CLIP4: variants seen among roughly 807,000 people sequenced by gnomAD.
CLIP4 encodes the protein CAP-Gly domain containing linker protein family member 4.
CLIP4 carries 47 observed loss-of-function variants against 73.1 expected under a neutral mutation model. That is an observed-to-expected ratio of 0.64 (90% CI 0.51 to 0.82). The LOEUF (loss-of-function observed/expected upper bound fraction) is 0.82, where lower values mean the gene tolerates loss of function less well. CLIP4 is among the 40% of genes least tolerant of loss of function. The pLI is 0.00. For synonymous variants in CLIP4, 306 were observed against 295.4 expected, an observed-to-expected ratio of 1.04 and a Z score of -0.37; for missense variants, 874 against 852.9, an observed-to-expected ratio of 1.02 and a Z score of -0.31.
intron 8 of CLIP4, among the ~76,000 whole-genome samples, chr2:29,150,430 C>T (rs948545156): frequency 1.3e-5 from 2 of 152,128 alleles, no homozygotes; most frequent in African/African-American, 2.4e-5. Context: ...GAAAACCACA[C>T]GTTTTCCCTG....
At chr2:29,141,388 C>A (rs995073653) in intron 6 of CLIP4, among the ~76,000 whole-genome samples, 1 of 152,176 alleles carries the variant, frequency 6.6e-6, no homozygotes, top group Non-Finnish European at 1.5e-5. Flanking sequence ...TGTTAGTTTT[C>A]TGCCTTGATC....
At chr2:29,117,913 A>T (rs76700635) in intron 1 of CLIP4, among the ~76,000 whole-genome samples, 348 of 152,372 alleles carry the variant, frequency 2.3e-3, no homozygotes, top group African/African-American at 7.6e-3. Context: ...TGTTAAATGC[A>T]TAAATAGCTT....
intron 1 of CLIP4, among the ~76,000 whole-genome samples, chr2:29,106,019 C>T (rs1380905907): frequency 6.6e-6 from 1 of 151,916 alleles, no homozygotes; most frequent in East Asian, 1.9e-4. Context: ...CCTCTTAAGA[C>T]TTTTCTCTTG....
intron 6 of CLIP4, among the ~76,000 whole-genome samples, chr2:29,137,182 T>TC (rs1252995735): frequency 6.6e-6 from 1 of 151,882 alleles, no homozygotes; most frequent in Non-Finnish European, 1.5e-5. Context: ...CCTCCCACAC[T>TC]CCCTCCCGTC....
At chr2:29,118,370 G>A (rs1664014701) in intron 1 of CLIP4, 1 of 152,208 alleles carries the variant, frequency 6.6e-6, no homozygotes, top group East Asian at 1.9e-4. Flanking sequence ...AGGTATTTGA[G>A]CCACGTTATG....
At position 29,143,738 on chromosome 2, in the gene CLIP4, T is replaced by C. The variant is rs1301833806; in HGVS notation, c.678T>C (p.Val226=). 1.2e-6 allele frequency: 2 copies of C among 1,613,738 alleles called. No individual in the cohort carries two copies. The highest frequency in any genetic ancestry group is 1.7e-6 in the Non-Finnish European group (2 of 1,179,580). ...RNDKGQIPAD[V]VPDPVDMPLE... ...ACAAAGGACAGATCCCTGCTGATGT[T>C]GTTCCAGACCCAGTAGATATGCCGT... The change falls in exon 7 of 16, where the codon GTT becomes GTC. Residue 226 remains valine, a synonymous_variant. Transcript: ENST00000320081.
intron 2 of CLIP4, among the ~76,000 whole-genome samples, chr2:29,124,342 T>C (rs770867131): frequency 2.0e-5 from 3 of 152,230 alleles, no homozygotes; most frequent in Non-Finnish European, 2.9e-5. Flanking sequence ...GCATTGTTTC[T>C]GCTGTCATTT....
intron 8 of CLIP4, among the ~76,000 whole-genome samples, chr2:29,152,320 A>C (rs903717319): frequency 6.6e-6 from 1 of 152,194 alleles, no homozygotes; most frequent in African/African-American, 2.4e-5. Flanking sequence ...CATAGGTTCA[A>C]ATTTCAGATT....
intron 1 of CLIP4, among the ~76,000 whole-genome samples, chr2:29,100,129 C>T (rs1354996669): frequency 2.0e-5 from 3 of 151,904 alleles, no homozygotes; most frequent in African/African-American, 7.2e-5. Context: ...GGGTTTTCGC[C>T]GTGTTGCCCA....
rs186402887 is a variant in CLIP4 at position 29,142,575 on chromosome 2, C to T, written c.649-1134C>T. 1.2e-4 allele frequency among the ~76,000 whole-genome samples: 19 copies of T among 152,032 alleles called. No individual in the cohort carries two copies. The East Asian group carries it at 3.5e-3, about 28-fold the overall frequency. ...CTTGAAATCTGGGATTAGAAGAGTC[C>T]ATTACCATCCTAGACATCTAATAAC... On this transcript the variant is annotated intron_variant, in intron 6 of 15. Coordinates refer to ENST00000320081, the MANE Select transcript of CLIP4 (RefSeq NM_024692.6).
At chr2:29,176,904 G>A (rs941451794) in intron 15 of CLIP4, among the ~76,000 whole-genome samples, 3 of 152,164 alleles carry the variant, frequency 2.0e-5, no homozygotes, top group African/African-American at 7.2e-5. Flanking sequence ...CCACAGGTCT[G>A]TCCTCTCACA....
At chr2:29,168,143 T>G (rs1667749650) in intron 14 of CLIP4, among the ~76,000 whole-genome samples, 1 of 152,232 alleles carries the variant, frequency 6.6e-6, no homozygotes, top group Non-Finnish European at 1.5e-5. Flanking sequence ...TTACCTTGTT[T>G]GATTTAGAAG....
chr2:29,167,308 T>C lies in CLIP4; in HGVS notation c.1659-168T>C, dbSNP rs1354714988. Reference sequence around the variant, plus strand: ...AGTGAGAACCTCTTCTATTTAATTATTGTTTTTCTTCCATGCCAGATGGAA... The same window carrying C: ...AGTGAGAACCTCTTCTATTTAATTACTGTTTTTCTTCCATGCCAGATGGAA... On this transcript the variant is annotated intron_variant, in intron 13 of 15. Transcript: ENST00000320081. Among the ~76,000 whole-genome samples, 3 of 152,238 alleles carry C rather than the reference T, an allele frequency of 2.0e-5. No individual in the cohort carries two copies. The East Asian group carries it at 5.8e-4, about 29-fold the overall frequency.
At chr2:29,156,831 T>G (rs549081620) in intron 10 of CLIP4, among the ~76,000 whole-genome samples, 1 of 150,468 alleles carries the variant, frequency 6.6e-6, no homozygotes, top group East Asian at 2.0e-4. Context: ...ATTAAACTTT[T>G]GTTGCCTTAA....
At chr2:29,103,055 C>T (rs918875140) in intron 1 of CLIP4, among the ~76,000 whole-genome samples, 4 of 152,128 alleles carry the variant, frequency 2.6e-5, no homozygotes, top group Admixed American at 1.3e-4. Flanking sequence ...CAGCCTGTCC[C>T]GTGCCTTAGT....
chr2:29,132,678 T>C (rs1665059841), intron 4 of CLIP4: 1 of 157,120 alleles, frequency 6.4e-6, no homozygotes, highest in African/African-American at 2.4e-5. Context: ...TTTTTGTCAT[T>C]GTATGAACCT....
At chr2:29,113,484 G>A (rs1441647182), upstream of CLIP4, among the ~76,000 whole-genome samples, 1 of 152,204 alleles carries the variant, frequency 6.6e-6, no homozygotes, top group Non-Finnish European at 1.5e-5. This position sits in a 1 kb window ranked among gnomAD's most constrained non-coding sequence, Gnocchi z 4.0. Context: ...TAGGAAGCAT[G>A]ACTCCAACGA....
chr2:29,168,627 A>G (rs1254131961), intron 14 of CLIP4, among the ~76,000 whole-genome samples: 2 of 138,562 alleles, frequency 1.4e-5, no homozygotes, highest in African/African-American at 5.5e-5. Context: ...GGTTCACACC[A>G]TTCTCCTGCC....
intron 8 of CLIP4, among the ~76,000 whole-genome samples, chr2:29,145,848 A>G (rs912881548): frequency 6.6e-5 from 10 of 152,118 alleles, no homozygotes; most frequent in Non-Finnish European, 1.5e-5. Flanking sequence ...TGGCTGGATA[A>G]TTGTTGTATT....
Sources: allele counts gnomAD v4.1 joint callset (sites outside exome capture counted in the v4.1 genomes callset), GRCh38; gene constraint gnomAD v4.1.1; non-coding constraint Gnocchi (gnomAD v3.1); transcripts MANE v1.5; gene names NCBI Gene and HGNC (gene_info 2026-07-23, HGNC 2026-07-21).